TFEC: variants seen among roughly 807,000 people sequenced by gnomAD.
The protein encoded by TFEC is transcription factor EC.
A neutral mutation model predicts 41.6 loss-of-function variants in TFEC; 31 were observed. The observed-to-expected ratio is 0.74, with a 90% CI of 0.56 to 1.01. TFEC has a LOEUF of 1.01. Ranked by LOEUF, TFEC falls within the 50% of genes least tolerant of loss-of-function variation. The pLI is 0.00. For synonymous variants in TFEC, 143 were observed against 140.6 expected (o/e 1.02, Z -0.12); for missense variants, 402 against 404.1 (o/e 0.99, Z 0.04).
intron 3 of TFEC, 130 bp downstream of exon 3, chr7:115,974,040 C>A (rs1793255978): frequency 1.5e-6 from 1 of 653,780 alleles, no homozygotes; most frequent in South Asian, 2.1e-5. Context: ...TAAATATTTT[C>A]TAGTATTCAT....
chr7:116,088,829 C>T (rs1369868138), intron 3 of TFEC, among the ~76,000 whole-genome samples: 2 of 151,928 alleles, frequency 1.3e-5, no homozygotes, highest in African/African-American at 4.8e-5. Flanking sequence ...CACACATACA[C>T]ATAAACACAC....
At chr7:115,996,430 C>T (rs1465363691) in intron 1 of TFEC, among the ~76,000 whole-genome samples, 1 of 151,958 alleles carries the variant, frequency 6.6e-6, no homozygotes, top group Non-Finnish European at 1.5e-5. Context: ...GCAGTACTAC[C>T]CAGGCAGTAC....
chr7:116,097,322 C>A (rs1192438249), intron 3 of TFEC, among the ~76,000 whole-genome samples: 2 of 152,114 alleles, frequency 1.3e-5, no homozygotes, highest in African/African-American at 4.8e-5. Context: ...CTGAACTCTA[C>A]ATTTACTATG....
intron 2 of TFEC, among the ~76,000 whole-genome samples, chr7:115,977,410 ACT>A (rs1793432648): frequency 6.6e-6 from 1 of 152,076 alleles, no homozygotes; most frequent in African/African-American, 2.4e-5. Context: ...AAAGAACAAA[ACT>A]TTTTAACAAC....
chr7:116,016,596 G>A (rs1421230074), intron 1 of TFEC, among the ~76,000 whole-genome samples: 1 of 151,878 alleles, frequency 6.6e-6, no homozygotes, highest in Non-Finnish European at 1.5e-5. Context: ...AAAATACTAT[G>A]TACATGCTAA....
At chr7:116,097,142 T>A (rs111825365) in intron 3 of TFEC, among the ~76,000 whole-genome samples, 59 of 151,440 alleles carry the variant, frequency 3.9e-4, no homozygotes, top group African/African-American at 1.4e-3. Flanking sequence ...GATAAAAGAA[T>A]CTGAATATAA....
intron 3 of TFEC, among the ~76,000 whole-genome samples, chr7:116,084,856 A>G (rs958593511): frequency 6.6e-6 from 1 of 151,900 alleles, no homozygotes; most frequent in Non-Finnish European, 1.5e-5. Context: ...GTTTATTTTC[A>G]GTTATTGCAG....
chr7:116,067,086 A>G (rs1416041576), intron 3 of TFEC, among the ~76,000 whole-genome samples: 2 of 152,048 alleles, frequency 1.3e-5, no homozygotes, highest in African/African-American at 4.8e-5. Flanking sequence ...GTGTACTAGC[A>G]TTTCTTAGAA....
At chr7:116,100,074 G>A (rs909915978) in intron 3 of TFEC, among the ~76,000 whole-genome samples, 1 of 152,128 alleles carries the variant, frequency 6.6e-6, no homozygotes, top group Non-Finnish European at 1.5e-5. Context: ...TACCAATACT[G>A]ACTATAGCTC....
intron 3 of TFEC, among the ~76,000 whole-genome samples, chr7:115,957,925 A>G (rs1359922830): frequency 6.6e-6 from 1 of 151,930 alleles, no homozygotes; most frequent in Non-Finnish European, 1.5e-5. Flanking sequence ...CTATTACAGT[A>G]TATATAATAA....
intron 1 of TFEC, among the ~76,000 whole-genome samples, chr7:116,014,745 G>C (rs371655762): frequency 6.6e-6 from 1 of 152,004 alleles, no homozygotes; most frequent in African/African-American, 2.4e-5. Context: ...CTGGATTATC[G>C]TGCATGGCCT....
intron 2 of TFEC, among the ~76,000 whole-genome samples, chr7:115,981,680 T>C (rs1793636721): frequency 6.6e-6 from 1 of 152,214 alleles, no homozygotes; most frequent in Non-Finnish European, 1.5e-5. Context: ...GTTATCCATA[T>C]GATATCAGCG....
At chr7:116,060,875 T>C (rs574220836) in intron 3 of TFEC, among the ~76,000 whole-genome samples, 5 of 74,882 alleles carry the variant, frequency 6.7e-5, no homozygotes, top group East Asian at 5.4e-4. Flanking sequence ...AGTTTAAAAA[T>C]AAATAAATAA....
intron 1 of TFEC, among the ~76,000 whole-genome samples, chr7:116,002,436 T>C (rs1205503867): frequency 6.6e-6 from 1 of 152,104 alleles, no homozygotes; most frequent in African/African-American, 2.4e-5. Context: ...AGAAAGACAA[T>C]CTTCACATGT....
At chr7:115,953,580 TAAGAG>T (rs1404664713) in intron 5 of TFEC, among the ~76,000 whole-genome samples, 1 of 152,052 alleles carries the variant, frequency 6.6e-6, no homozygotes, top group Admixed American at 6.6e-5. Flanking sequence ...AGTGGCTGAT[TAAGAG>T]AAAAGTCCAA....
chr7:116,062,560 CATATATATATATATATATATATAT>C (rs57742551), intron 3 of TFEC, among the ~76,000 whole-genome samples: 35,074 of 102,040 alleles, frequency 0.34, 5,318 homozygotes, highest in East Asian at 0.57. Context: ...GAGTAGTACT[CATATATATATATATATATATATAT>C]ATATATATAT....
At position 115,938,640 on chromosome 7, in the gene TFEC, G is replaced by T. The variant is rs1793342840; in HGVS notation, c.*1911C>A. On this transcript the variant is annotated 3_prime_UTR_variant, in exon 8 of 8. Transcript: ENST00000265440. ...ATTTACTATTTTTCTACTTTTATCA[G>T]CATTAGGGTCTCACATTTCATAGTG... 6.6e-6 allele frequency: 1 copy of T among 151,728 alleles called. No homozygotes were observed. The highest frequency in any genetic ancestry group is 1.5e-5 in the Non-Finnish European group (1 of 67,864). The allele number at this position is 151,728 out of a possible 1,614,324, so 9.4% of individuals were successfully genotyped here.
At chr7:116,109,443 C>T (rs2116068916) in intron 3 of TFEC, among the ~76,000 whole-genome samples, 1 of 152,298 alleles carries the variant, frequency 6.6e-6, no homozygotes, top group East Asian at 1.9e-4. Context: ...CAAAAGAAGA[C>T]ATCTATGCAG....
In TFEC at chr7:115,940,921, A is replaced by G. The variant is rs762861992; in HGVS notation, c.674T>C (p.Ile225Thr). The G allele has an allele frequency of 6.4e-7, 1 of 1,568,906 alleles. No homozygotes were observed. The highest frequency in any genetic ancestry group is 8.7e-7 in the Non-Finnish European group (1 of 1,154,764). The change falls in exon 8 of 8, where the codon ATT (isoleucine) becomes ACT (threonine). Residue 225 changes from isoleucine to threonine, a missense_variant. Physicochemically the swap from Ile to Thr is moderately conservative, Grantham distance 89. Coordinates refer to ENST00000265440, the MANE Select transcript of TFEC (RefSeq NM_012252.4). ...RLLLRIQELEIQARTHGLPTL... is the reference protein window; with the variant it reads ...RLLLRIQELETQARTHGLPTL... ...TGGCAGACCATGAGTACGAGCCTGA[A>G]TTTCTAGTTCCTGTAATTTCAAACG...
Sources: gnomAD v4.1 joint callset for allele counts (sites outside exome capture counted in the v4.1 genomes callset) on GRCh38, gnomAD v4.1.1 for gene constraint, MANE v1.5 for transcripts, NCBI Gene and HGNC (gene_info 2026-07-23, HGNC 2026-07-21) for gene names.